The following FGF2 variants were observed in gnomAD, a reference collection of about 807,000 sequenced individuals.
FGF2 encodes basic fibroblast growth factor bFGF.
FGF2 carries 13 observed loss-of-function variants against 15.9 expected under a neutral mutation model. The observed-to-expected ratio is 0.82, with a 90% confidence interval of 0.53 to 1.30. FGF2 has a LOEUF of 1.30. Among genes scored for constraint, FGF2 ranks in the 50% most tolerant of loss-of-function variants. The pLI is 0.00. For missense variants in FGF2, 163 were observed against 196.9 expected, an observed-to-expected ratio of 0.83 and a Z score of 1.03; for synonymous variants, 90 against 78.4, an observed-to-expected ratio of 1.15 and a Z score of -0.78.
chr4:122,876,244 C>T, intron 1 of FGF2, 77 bp from the exon 2 acceptor site: 3 of 906,760 alleles, frequency 3.3e-6, no homozygotes, highest in Non-Finnish European at 5.5e-6. Flanking sequence ...TGTGTTTTGT[C>T]TTTATATTGC....
intron 1 of FGF2, among the ~76,000 whole-genome samples, chr4:122,830,874 G>T (rs529612647): frequency 5.0e-4 from 74 of 147,430 alleles, no homozygotes; most frequent in African/African-American, 1.7e-3. Flanking sequence ...TCTACCCTTG[G>T]GCTTCTCCCA....
intron 2 of FGF2, among the ~76,000 whole-genome samples, chr4:122,886,929 A>C (rs1727071125): frequency 7.1e-6 from 1 of 139,934 alleles, no homozygotes; most frequent in South Asian, 2.1e-4. Context: ...AAGCCCTCTA[A>C]GCTTAAGCTG....
At chr4:122,889,566 A>G (rs1243189179) in intron 2 of FGF2, among the ~76,000 whole-genome samples, 2 of 152,132 alleles carry the variant, frequency 1.3e-5, no homozygotes, top group Non-Finnish European at 2.9e-5. Context: ...TTTCTTGACC[A>G]CTAAATTTTG....
At chr4:122,832,447 GAA>G (rs3034589) in intron 1 of FGF2, among the ~76,000 whole-genome samples, 47,113 of 151,704 alleles carry the variant, frequency 0.31, 11,794 homozygotes, top group African/African-American at 0.69. Context: ...ATTTCACCAT[GAA>G]TTTTCCTGGC....
chr4:122,884,224 T>C (rs897485972), intron 2 of FGF2: 3 of 152,248 alleles, frequency 2.0e-5, no homozygotes, highest in African/African-American at 4.8e-5. Context: ...CCTGGCACAA[T>C]GGCTCATGCC....
intron 1 of FGF2, among the ~76,000 whole-genome samples, chr4:122,854,763 G>A (rs559627077): frequency 1.3e-5 from 2 of 152,288 alleles, no homozygotes; most frequent in African/African-American, 2.4e-5. Flanking sequence ...GGAGGCTGCA[G>A]TAATGCTCGT....
chr4:122,838,863 A>T lies in FGF2; in HGVS notation c.178+11511A>T, dbSNP rs571987428. On this transcript the variant is annotated intron_variant, in intron 1 of 2. Coordinates refer to ENST00000644866, the MANE Select transcript of FGF2 (RefSeq NM_001361665.2). ...TAGCATGTAATTAAGAATGAATACC[A>T]TACAGCCATGCACTGCATCATGATG... Among the ~76,000 whole-genome samples the T allele has an allele frequency of 7.6e-4, 116 of 152,332 alleles. 2 individuals carry two copies. In the South Asian group the frequency reaches 0.023, roughly 30 times the overall value.
chr4:122,850,863 C>A (rs308435), intron 1 of FGF2, among the ~76,000 whole-genome samples: 41,081 of 152,010 alleles, frequency 0.27, 8,052 homozygotes, highest in African/African-American at 0.55. Context: ...ATGGAAGTGT[C>A]AGTACTGGAG....
At chr4:122,835,668 A>G (rs1725852170) in intron 1 of FGF2, among the ~76,000 whole-genome samples, 1 of 151,968 alleles carries the variant, frequency 6.6e-6, no homozygotes, top group Non-Finnish European at 1.5e-5. Flanking sequence ...TCTCTCTAAA[A>G]TGTTTCCCAG....
chr4:122,870,305 C>T (rs971767394), intron 1 of FGF2, among the ~76,000 whole-genome samples: 10 of 151,978 alleles, frequency 6.6e-5, no homozygotes, highest in Non-Finnish European at 7.4e-5. Context: ...TTTGTTCTGT[C>T]TCTTCTTGGT....
chr4:122,844,595 C>CTTCT (rs1198327402), intron 1 of FGF2, among the ~76,000 whole-genome samples: 12 of 114,854 alleles, frequency 1.0e-4, no homozygotes, highest in African/African-American at 3.0e-4. Context: ...TTCTTCCTTC[C>CTTCT]TTCCTTCCTT....
Position 122,827,239 on chromosome 4 carries a change from C to T in FGF2, c.65C>T (p.Pro22Leu), listed in dbSNP as rs753911225. 11 of 1,611,830 alleles carry T rather than the reference C, an allele frequency of 6.8e-6. No homozygotes were observed. The highest frequency in any genetic ancestry group is 8.5e-6 in the Non-Finnish European group (10 of 1,179,628). The change falls in exon 1 of 3, where the codon CCG (proline) becomes CTG (leucine). Residue 22 changes from proline to leucine, a missense_variant. Physicochemically the swap from Pro to Leu is moderately conservative, Grantham distance 98. Coordinates refer to ENST00000644866, the MANE Select transcript of FGF2 (RefSeq NM_001361665.2). This position sits in a 1 kb window ranked among gnomAD's most constrained non-coding sequence, Gnocchi z 4.2. ...LPEDGGSGAFPPGHFKDPKRL... is the reference protein window; with the variant it reads ...LPEDGGSGAFLPGHFKDPKRL... The stretch of plus-strand genomic sequence containing the variant: ...GAGGATGGCGGCAGCGGCGCCTTCC[C>T]GCCCGGCCACTTCAAGGACCCCAAG...
intron 1 of FGF2, among the ~76,000 whole-genome samples, chr4:122,853,046 C>T (rs773670784): frequency 1.3e-5 from 2 of 152,094 alleles, no homozygotes; most frequent in Non-Finnish European, 1.5e-5. Context: ...TCATGTAATC[C>T]CAGTACTTTA....
chr4:122,832,382 T>C (rs1312785142), intron 1 of FGF2, among the ~76,000 whole-genome samples: 6 of 152,140 alleles, frequency 3.9e-5, no homozygotes, highest in Admixed American at 2.6e-4. Context: ...TCAGCTGTGA[T>C]TACAAGCACC....
chr4:122,872,900 G>T (rs370934405), intron 1 of FGF2, among the ~76,000 whole-genome samples: 1 of 152,240 alleles, frequency 6.6e-6, no homozygotes, highest in South Asian at 2.1e-4. Flanking sequence ...AGGAAAAACC[G>T]GTACCAGTCA....
At chr4:122,837,211 A>G (rs1374426519) in intron 1 of FGF2, among the ~76,000 whole-genome samples, 1 of 152,228 alleles carries the variant, frequency 6.6e-6, no homozygotes, top group Non-Finnish European at 1.5e-5. Context: ...ATTGTATGAC[A>G]AAGTGAGTCA....
intron 2 of FGF2, among the ~76,000 whole-genome samples, chr4:122,877,707 T>C (rs1045960393): frequency 1.3e-5 from 2 of 152,246 alleles, no homozygotes; most frequent in Non-Finnish European, 2.9e-5. Context: ...TTATGACATC[T>C]CTATATAACC....
At chr4:122,847,411 G>C (rs989676145) in intron 1 of FGF2, among the ~76,000 whole-genome samples, 6 of 152,226 alleles carry the variant, frequency 3.9e-5, no homozygotes, top group Middle Eastern at 3.4e-3. Flanking sequence ...CCCATGGACT[G>C]GGTTTGGTCT....
chr4:122,860,626 TTTGTATTTTTTGTAGAG>T (rs1726442361), intron 1 of FGF2, among the ~76,000 whole-genome samples: 2 of 152,136 alleles, frequency 1.3e-5, no homozygotes, highest in Admixed American at 6.5e-5. Flanking sequence ...TGGCTATTTT[TTTGTATTTTTTGTAGAG>T]ACAGGTTCTT....
Sources: gnomAD v4.1 joint callset for allele counts (sites outside exome capture counted in the v4.1 genomes callset) on GRCh38, gnomAD v4.1.1 for gene constraint, Gnocchi (gnomAD v3.1) non-coding constraint, MANE v1.5 for transcripts, NCBI Gene and HGNC (gene_info 2026-07-23, HGNC 2026-07-21) for gene names.